The following RIMS2 variants were observed in gnomAD, a reference collection of about 807,000 sequenced individuals.
The protein encoded by RIMS2 is regulating synaptic membrane exocytosis 2, also known as regulating synaptic membrane exocytosis protein 2.
In RIMS2, 59 loss-of-function variants were observed where a neutral mutation model predicts 174.4. That is an observed-to-expected ratio of 0.34 (90% confidence interval 0.27 to 0.42). The LOEUF (loss-of-function observed/expected upper bound fraction) is 0.42. Among genes scored for constraint, RIMS2 ranks in the 10% least tolerant of loss-of-function variants. RIMS2 has a pLI of 1.00. For missense variants in RIMS2, 1,620 were observed against 1,666.3 expected (o/e 0.97, Z 0.48); for synonymous variants, 606 against 572.5 (o/e 1.06, Z -0.84).
At chr8:104,149,625 A>G in intron 19 of RIMS2, among the ~76,000 whole-genome samples, 1 of 152,208 alleles carries the variant, frequency 6.6e-6, no homozygotes, top group South Asian at 2.1e-4. Context: ...CATATCTTCT[A>G]CTTGACAAAC....
chr8:104,098,284 AAT>A (rs1240780833), intron 19 of RIMS2, among the ~76,000 whole-genome samples: 1 of 152,186 alleles, frequency 6.6e-6, no homozygotes, highest in African/African-American at 2.4e-5. Flanking sequence ...AACATGTTAA[AAT>A]TTCTAAGCCT....
At chr8:104,136,292 C>A (rs182768039) in intron 19 of RIMS2, among the ~76,000 whole-genome samples, 4 of 152,124 alleles carry the variant, frequency 2.6e-5, no homozygotes, top group African/African-American at 9.6e-5. Flanking sequence ...AAATTGTCAT[C>A]CTTAACAGAC....
intron 1 of RIMS2, among the ~76,000 whole-genome samples, chr8:103,599,952 A>T (rs1352431326): frequency 6.6e-6 from 1 of 152,160 alleles, no homozygotes; most frequent in Non-Finnish European, 1.5e-5. Context: ...TTTTGACTAT[A>T]GTCACCCTGT....
chr8:103,511,913 C>G (rs530082174), intron 1 of RIMS2, among the ~76,000 whole-genome samples: 2 of 152,240 alleles, frequency 1.3e-5, no homozygotes, highest in Non-Finnish European at 2.9e-5. Flanking sequence ...GGCTGAGATT[C>G]AGCCCTCATT....
At chr8:104,116,729 A>G (rs2098282803) in intron 19 of RIMS2, among the ~76,000 whole-genome samples, 1 of 152,138 alleles carries the variant, frequency 6.6e-6, no homozygotes, top group African/African-American at 2.4e-5. Context: ...TCTGAAACCA[A>G]AAGAGGATGA....
At chr8:103,731,141 C>T (rs765350013) in intron 2 of RIMS2, among the ~76,000 whole-genome samples, 3 of 152,128 alleles carry the variant, frequency 2.0e-5, no homozygotes, top group Non-Finnish European at 4.4e-5. Flanking sequence ...CAGGGTCCCT[C>T]CTATGATACA....
intron 19 of RIMS2, among the ~76,000 whole-genome samples, chr8:104,210,597 T>C (rs2099101035): frequency 6.6e-6 from 1 of 152,194 alleles, no homozygotes; most frequent in African/African-American, 2.4e-5. Flanking sequence ...TAAAATGTTG[T>C]TCTGGGACCC....
At chr8:104,135,750 C>T (rs1487690715) in intron 19 of RIMS2, among the ~76,000 whole-genome samples, 4 of 150,888 alleles carry the variant, frequency 2.7e-5, no homozygotes, top group African/African-American at 9.8e-5. Context: ...AAGATATTTG[C>T]AAAAGAGTGT....
intron 22 of RIMS2, among the ~76,000 whole-genome samples, chr8:104,250,781 A>G (rs1234139085): frequency 2.0e-5 from 3 of 152,214 alleles, no homozygotes; most frequent in Non-Finnish European, 2.9e-5. Flanking sequence ...GTGTAAACCT[A>G]TATAACCAGT....
Position 103,637,713 on chromosome 8 carries a change from A to C in RIMS2, c.177-59373A>C, listed in dbSNP as rs371080112. Among the ~76,000 whole-genome samples, 535 of 152,320 alleles carry C rather than the reference A, an allele frequency of 3.5e-3. 3 individuals carry two copies. Among genetic ancestry groups the C allele is most frequent in the African/African-American group, 0.012 (508 of 41,580 alleles). Reference sequence around the variant, plus strand: ...ACAATTACAGTGTATTTATCAAAACAAAGAAAACAGGATTGGTACAATACT... The same window carrying C: ...ACAATTACAGTGTATTTATCAAAACCAAGAAAACAGGATTGGTACAATACT... On this transcript the variant is annotated intron_variant, in intron 1 of 23. Coordinates refer to ENST00000504942, the Ensembl canonical transcript of RIMS2.
intron 1 of RIMS2, among the ~76,000 whole-genome samples, chr8:103,624,482 T>G (rs1178135242): frequency 1.3e-5 from 2 of 152,162 alleles, no homozygotes; most frequent in Non-Finnish European, 2.9e-5. Context: ...CTTCTTAGCC[T>G]CCATAATCAT....
chr8:103,982,782 A>G (rs751483809), intron 16 of RIMS2, among the ~76,000 whole-genome samples: 8 of 152,314 alleles, frequency 5.3e-5, no homozygotes, highest in Non-Finnish European at 7.4e-5. Flanking sequence ...CAACAGACTC[A>G]CAGCTAGTAT....
chr8:103,679,190 T>TC (rs1564260920), intron 1 of RIMS2, among the ~76,000 whole-genome samples: 1 of 151,908 alleles, frequency 6.6e-6, no homozygotes, highest in African/African-American at 2.4e-5. Context: ...ATTCTCCCCT[T>TC]CCCCCGAAAC....
intron 3 of RIMS2, among the ~76,000 whole-genome samples, chr8:103,834,917 T>G (rs892974156): frequency 5.4e-5 from 8 of 149,080 alleles, no homozygotes; most frequent in African/African-American, 1.5e-4. Flanking sequence ...ACTACAGGCA[T>G]GCGCCATCCT....
At chr8:104,206,628 C>A (rs922762930) in intron 19 of RIMS2, among the ~76,000 whole-genome samples, 1 of 152,176 alleles carries the variant, frequency 6.6e-6, no homozygotes, top group African/African-American at 2.4e-5. Flanking sequence ...TTACTATTAT[C>A]TCCTATTTAC....
intron 1 of RIMS2, among the ~76,000 whole-genome samples, chr8:103,689,832 C>T (rs1459886909): frequency 1.3e-5 from 2 of 151,890 alleles, no homozygotes; most frequent in Non-Finnish European, 2.9e-5. Flanking sequence ...TTCCTTTTTC[C>T]ATTTCTTTAT....
intron 19 of RIMS2, among the ~76,000 whole-genome samples, chr8:104,080,997 CGTA>C (rs1398887096): frequency 2.0e-5 from 3 of 151,962 alleles, no homozygotes; most frequent in Non-Finnish European, 2.9e-5. Flanking sequence ...TGTCCATAAT[CGTA>C]GTTATTTTTT....
intron 19 of RIMS2, among the ~76,000 whole-genome samples, chr8:104,145,365 T>C (rs1001579344): frequency 1.3e-5 from 2 of 152,114 alleles, no homozygotes; most frequent in Non-Finnish European, 2.9e-5. Flanking sequence ...ATAAAATTTC[T>C]CTTTTAAAAA....
intron 3 of RIMS2, among the ~76,000 whole-genome samples, chr8:103,771,196 A>G (rs2098249297): frequency 6.6e-6 from 1 of 152,338 alleles, no homozygotes; most frequent in Non-Finnish European, 1.5e-5. Flanking sequence ...ACATATAGTC[A>G]TAAATTGCAA....
Sources: gnomAD v4.1 joint callset for allele counts (sites outside exome capture counted in the v4.1 genomes callset) on GRCh38, gnomAD v4.1.1 for gene constraint, MANE v1.5 for transcripts, NCBI Gene and HGNC (gene_info 2026-07-23, HGNC 2026-07-21) for gene names.